TBC1D5: variants seen among roughly 807,000 people sequenced by gnomAD.
TBC1D5 encodes the protein TBC1 domain family, member 5.
TBC1D5 carries 75 observed loss-of-function variants against 100.3 expected under a neutral mutation model. The ratio of observed to expected loss-of-function variants is 0.75; its 90% confidence interval spans 0.62 to 0.91. The LOEUF is 0.91. Ranked by LOEUF, TBC1D5 falls within the 40% of genes least tolerant of loss-of-function variation. The probability of loss-of-function intolerance (pLI) is 0.00; values close to 1 mark genes in which losing one functional copy is unlikely to be tolerated. For missense variants in TBC1D5, 910 were observed against 942.4 expected (o/e 0.97, Z 0.45); for synonymous variants, 323 against 325.6 (o/e 0.99, Z 0.09).
rs1256191966 is a variant in TBC1D5 at position 17,654,098 on chromosome 3, G to A, written c.-100-30185C>T. On this transcript the variant is annotated intron_variant, in intron 1 of 21. Transcript: ENST00000253692. ...AATTTAAACTAGTATTGACATTTTC[G>A]ACAGCAGACTTCAAAATTAAAACAA... Among the ~76,000 whole-genome samples the A allele has an allele frequency of 3.3e-5, 5 of 151,848 alleles. No homozygotes were observed. The East Asian group carries it at 9.6e-4, about 29-fold the overall frequency.
intron 2 of TBC1D5, among the ~76,000 whole-genome samples, chr3:17,587,726 T>G (rs1201216834): frequency 6.6e-6 from 1 of 152,058 alleles, no homozygotes; most frequent in East Asian, 1.9e-4. Flanking sequence ...TGAATTATAT[T>G]ATACATATGG....
At chr3:17,398,204 A>G (rs755223058) in intron 8 of TBC1D5, among the ~76,000 whole-genome samples, 9 of 152,148 alleles carry the variant, frequency 5.9e-5, no homozygotes, top group Non-Finnish European at 7.4e-5. Context: ...AAATTCCTTG[A>G]TTTACCTTTT....
At chr3:17,323,960 T>C (rs1255231929) in intron 13 of TBC1D5, among the ~76,000 whole-genome samples, 1 of 152,226 alleles carries the variant, frequency 6.6e-6, no homozygotes, top group Non-Finnish European at 1.5e-5. Flanking sequence ...CAAGACAACA[T>C]AGTATTGGTA....
At chr3:17,722,123 C>T (rs1349090638) in intron 1 of TBC1D5, among the ~76,000 whole-genome samples, 1 of 151,572 alleles carries the variant, frequency 6.6e-6, no homozygotes, top group East Asian at 1.9e-4. Context: ...TTCTTGCCTT[C>T]AAAAAAAAGT....
chr3:17,428,411 GTATA>G (rs71634804), intron 4 of TBC1D5, 35 bp downstream of exon 4: 673 of 214,914 alleles, frequency 3.1e-3, no homozygotes, highest in Non-Finnish European at 3.8e-3. Flanking sequence ...GTGTGTGTGT[GTATA>G]TATATATATA....
chr3:17,197,242 T>TA (rs1307663102), intron 18 of TBC1D5, among the ~76,000 whole-genome samples: 9 of 152,218 alleles, frequency 5.9e-5, no homozygotes, highest in Admixed American at 4.6e-4. Context: ...ATTTATTTCT[T>TA]AATCACTTAA....
chr3:17,335,755 T>C (rs1247997237), intron 13 of TBC1D5, among the ~76,000 whole-genome samples: 2 of 152,214 alleles, frequency 1.3e-5, no homozygotes, highest in East Asian at 1.9e-4. Flanking sequence ...GTTTCAGCTA[T>C]TATGCTTGAG....
intron 3 of TBC1D5, among the ~76,000 whole-genome samples, chr3:17,496,851 T>C (rs1022368122): frequency 2.0e-5 from 3 of 152,138 alleles, no homozygotes; most frequent in Admixed American, 6.5e-5. Context: ...CACAGGCTAT[T>C]ACATAATTCT....
chr3:17,621,362 G>A (rs1488605581), intron 2 of TBC1D5, among the ~76,000 whole-genome samples: 1 of 152,142 alleles, frequency 6.6e-6, no homozygotes, highest in African/African-American at 2.4e-5. Flanking sequence ...GATCTTGTTC[G>A]CTAATATTAT....
At chr3:17,435,942 A>G (rs1559880999) in intron 3 of TBC1D5, among the ~76,000 whole-genome samples, 1 of 152,234 alleles carries the variant, frequency 6.6e-6, no homozygotes, top group Non-Finnish European at 1.5e-5. Flanking sequence ...GCTAAATGTT[A>G]AAGAACTACT....
chr3:17,315,187 C>T (rs2084535638), intron 13 of TBC1D5, among the ~76,000 whole-genome samples: 2 of 152,226 alleles, frequency 1.3e-5, no homozygotes. Flanking sequence ...ACCATTCAGC[C>T]AATGGCCATC....
intron 17 of TBC1D5, among the ~76,000 whole-genome samples, chr3:17,223,103 C>A (rs940845436): frequency 3.3e-5 from 5 of 152,070 alleles, no homozygotes; most frequent in Non-Finnish European, 7.4e-5. Flanking sequence ...AAAATTCTAT[C>A]AAAATCTGTT....
At chr3:17,724,935 C>CTT (rs1448836316) in intron 1 of TBC1D5, among the ~76,000 whole-genome samples, 1 of 152,108 alleles carries the variant, frequency 6.6e-6, no homozygotes, top group Non-Finnish European at 1.5e-5. Context: ...CTACACCCAA[C>CTT]TTTTTCATTA....
At chr3:17,731,260 T>C (rs2076528199) in intron 1 of TBC1D5, among the ~76,000 whole-genome samples, 3 of 151,960 alleles carry the variant, frequency 2.0e-5, no homozygotes, top group Non-Finnish European at 4.4e-5. Flanking sequence ...CCCAGCACTT[T>C]GGGAGGCCGA....
chr3:17,351,263 A>G (rs955738572), intron 13 of TBC1D5, among the ~76,000 whole-genome samples: 1 of 152,174 alleles, frequency 6.6e-6, no homozygotes, highest in Non-Finnish European at 1.5e-5. Flanking sequence ...TCATTCTACT[A>G]TAAAGACACA....
At chr3:17,354,109 T>C (rs1422919039) in intron 13 of TBC1D5, among the ~76,000 whole-genome samples, 1 of 152,084 alleles carries the variant, frequency 6.6e-6, no homozygotes. Context: ...CATTACTCTT[T>C]CACAGACTCA....
chr3:17,160,422 A>C (rs1301165877), exon 22 of TBC1D5: 1 of 152,288 alleles, frequency 6.6e-6, no homozygotes. Context: ...GTTCTGGTTC[A>C]TTCTATTGCA....
At chr3:17,614,144 T>C (rs925950468) in intron 2 of TBC1D5, among the ~76,000 whole-genome samples, 3 of 152,202 alleles carry the variant, frequency 2.0e-5, no homozygotes, top group Admixed American at 6.5e-5. Flanking sequence ...AAATAAAGAA[T>C]CCTATCCCCA....
At chr3:17,247,959 T>C (rs996570392) in intron 16 of TBC1D5, among the ~76,000 whole-genome samples, 2 of 152,072 alleles carry the variant, frequency 1.3e-5, no homozygotes, top group South Asian at 2.1e-4. Flanking sequence ...TCTTGCTATT[T>C]TCACCCCATG....
Sources: gnomAD v4.1 joint callset for allele counts (sites outside exome capture counted in the v4.1 genomes callset) on GRCh38, gnomAD v4.1.1 for gene constraint, MANE v1.5 for transcripts, NCBI Gene and HGNC (gene_info 2026-07-23, HGNC 2026-07-21) for gene names.